Variants in PIK3C2G observed in about 807,000 individuals in gnomAD.
PIK3C2G encodes phosphatidylinositol-4-phosphate 3-kinase catalytic subunit type 2 gamma, also known as phosphatidylinositol 3-kinase C2 domain-containing subunit gamma.
A neutral mutation model predicts 181.1 loss-of-function variants in PIK3C2G; 168 were observed. The observed-to-expected ratio is 0.93, with a 90% CI of 0.82 to 1.05. The LOEUF is 1.05. PIK3C2G is among the 50% of genes least tolerant of loss of function. The probability of loss-of-function intolerance (pLI) is 0.00; values close to 1 mark genes in which losing one functional copy is unlikely to be tolerated. For missense variants in PIK3C2G, 1,869 were observed against 1,732.8 expected (o/e 1.08, Z -1.40); for synonymous variants, 573 against 592.2 (o/e 0.97, Z 0.47).
intron 24 of PIK3C2G, among the ~76,000 whole-genome samples, chr12:18,524,461 T>C (rs1002297962): frequency 2.6e-5 from 4 of 152,194 alleles, no homozygotes; most frequent in Non-Finnish European, 1.5e-5. Context: ...GAAATCTTTG[T>C]CACTTTGTTG....
intron 16 of PIK3C2G, among the ~76,000 whole-genome samples, chr12:18,410,905 G>A (rs1289160298): frequency 6.6e-6 from 1 of 152,112 alleles, no homozygotes; most frequent in African/African-American, 2.4e-5. Context: ...TATATAAGAG[G>A]AGCGAAATCA....
At chr12:18,400,463 T>C (rs556422442) in intron 16 of PIK3C2G, among the ~76,000 whole-genome samples, 3 of 152,264 alleles carry the variant, frequency 2.0e-5, no homozygotes, top group South Asian at 4.1e-4. Context: ...CAAGAAAAGA[T>C]ATTTTAAGTT....
At chr12:18,643,913 TCA>T (rs1949979542) in intron 32 of PIK3C2G, among the ~76,000 whole-genome samples, 1 of 152,194 alleles carries the variant, frequency 6.6e-6, no homozygotes, top group Admixed American at 6.6e-5. Context: ...GAGGATGACC[TCA>T]CTCTCCTCTT....
At chr12:18,649,675 CTACTT>C (rs1264004929), downstream of PIK3C2G, among the ~76,000 whole-genome samples, 2 of 152,124 alleles carry the variant, frequency 1.3e-5, no homozygotes, top group Admixed American at 6.6e-5. Flanking sequence ...TTCAATGAAA[CTACTT>C]TAGTCAAAAT....
At chr12:18,386,972 T>G (rs550256418) in intron 14 of PIK3C2G, among the ~76,000 whole-genome samples, 247 of 152,256 alleles carry the variant, frequency 1.6e-3, no homozygotes, top group African/African-American at 5.8e-3. Flanking sequence ...ACATACTTGC[T>G]GAAACCCCCA....
rs186681631 is a variant in PIK3C2G, at chr12:18,622,365, A to G, written c.4182+12736A>G. On this transcript the variant is annotated intron_variant, in intron 31 of 32. Coordinates refer to ENST00000538779, the MANE Select transcript of PIK3C2G (RefSeq NM_001288772.2). ...AGCGTAATATTCTCCAGTTCTATTC[A>G]TGTTATTGTAAATGACAGAATTTCT... Among the ~76,000 whole-genome samples the G allele has an allele frequency of 3.5e-3, 526 of 151,992 alleles. 2 individuals are homozygous for G. The highest frequency in any genetic ancestry group is 0.012 in the African/African-American group (505 of 41,534).
intron 1 of PIK3C2G, among the ~76,000 whole-genome samples, chr12:18,272,938 T>G (rs955184435): frequency 6.6e-6 from 1 of 151,838 alleles, no homozygotes; most frequent in African/African-American, 2.4e-5. Flanking sequence ...TGTACTGAAA[T>G]GAACATTACT....
At chr12:18,666,205 G>GA in the PIK3C2G span, among the ~76,000 whole-genome samples, 7 of 151,680 alleles carry the variant, frequency 4.6e-5, no homozygotes, top group African/African-American at 7.3e-5. Context: ...ATTGCCTATA[G>GA]AAAACAAAGA....
intron 26 of PIK3C2G, among the ~76,000 whole-genome samples, chr12:18,560,001 G>C (rs1945264887): frequency 6.6e-6 from 1 of 150,978 alleles, no homozygotes. Context: ...CTGCCACCAT[G>C]CCTGGCTAAT....
chr12:18,338,881 C>T (rs1275982344), intron 9 of PIK3C2G, among the ~76,000 whole-genome samples: 2 of 151,870 alleles, frequency 1.3e-5, no homozygotes, highest in Admixed American at 6.6e-5. Flanking sequence ...CCTAAATGAA[C>T]GTAATTATAT....
chr12:18,572,336 A>G (rs1025944959), intron 29 of PIK3C2G, among the ~76,000 whole-genome samples: 37 of 147,876 alleles, frequency 2.5e-4, no homozygotes, highest in African/African-American at 8.8e-4. Flanking sequence ...GCCTTATTGT[A>G]ATTATATAAA....
At chr12:18,599,501 G>C (rs1255543918) in intron 30 of PIK3C2G, among the ~76,000 whole-genome samples, 1 of 151,834 alleles carries the variant, frequency 6.6e-6, no homozygotes, top group African/African-American at 2.4e-5. Context: ...ACTGTTGTGG[G>C]GTAGGGGGAG....
chr12:18,664,659 A>G, the PIK3C2G span, among the ~76,000 whole-genome samples: 4 of 152,128 alleles, frequency 2.6e-5, no homozygotes, highest in African/African-American at 9.6e-5. Flanking sequence ...ATTATTGGGT[A>G]TATACCCAAA....
At chr12:18,247,187 C>T (rs1948049143), upstream of PIK3C2G, among the ~76,000 whole-genome samples, 1 of 152,080 alleles carries the variant, frequency 6.6e-6, no homozygotes, top group African/African-American at 2.4e-5. Context: ...TAATATCTCT[C>T]AGAAATAGAG....
upstream of PIK3C2G, among the ~76,000 whole-genome samples, chr12:18,244,801 G>A (rs1281747344): frequency 2.0e-5 from 3 of 152,156 alleles, no homozygotes; most frequent in East Asian, 5.8e-4. Context: ...CAGAAGCAAT[G>A]TATGGCAATA....
intron 18 of PIK3C2G, among the ~76,000 whole-genome samples, chr12:18,481,941 T>C (rs1167141419): frequency 6.6e-6 from 1 of 152,172 alleles, no homozygotes; most frequent in Non-Finnish European, 1.5e-5. Context: ...TCTTGGCTAG[T>C]TTTTATTAAA....
chr12:18,481,801 T>C (rs1939585011), intron 18 of PIK3C2G, among the ~76,000 whole-genome samples: 1 of 152,014 alleles, frequency 6.6e-6, no homozygotes, highest in Admixed American at 6.6e-5. Context: ...TGGGTCAAGG[T>C]TCCCCAAAAT....
chr12:18,548,520 A>T (rs1005892601), intron 26 of PIK3C2G, among the ~76,000 whole-genome samples: 1 of 151,978 alleles, frequency 6.6e-6, no homozygotes, highest in Non-Finnish European at 1.5e-5. Context: ...TAAAGAGCAT[A>T]ATCTTGGATA....
intron 18 of PIK3C2G, among the ~76,000 whole-genome samples, chr12:18,468,856 G>A (rs530742239): frequency 2.6e-5 from 4 of 152,058 alleles, no homozygotes; most frequent in Non-Finnish European, 5.9e-5. Context: ...ACAGGAAGAA[G>A]CATGTGCTTA....
Sources: allele counts gnomAD v4.1 joint callset (sites outside exome capture counted in the v4.1 genomes callset), GRCh38; gene constraint gnomAD v4.1.1; transcripts MANE v1.5; gene names NCBI Gene and HGNC (gene_info 2026-07-23, HGNC 2026-07-21).